The following CMIP variants were observed in gnomAD, a reference collection of about 807,000 sequenced individuals.
CMIP encodes C-Maf-inducing protein.
In CMIP, 13 loss-of-function variants were observed where a neutral mutation model predicts 97.3. That is an observed-to-expected ratio of 0.13 (90% CI 0.09 to 0.21). The LOEUF (loss-of-function observed/expected upper bound fraction) is 0.21, where lower values mean the gene tolerates loss of function less well. Among genes scored for constraint, CMIP ranks in the 10% least tolerant of loss-of-function variants. The pLI is 1.00. For missense variants in CMIP, 847 were observed against 1,024.9 expected (o/e 0.83, Z 2.37); for synonymous variants, 538 against 436.3 (o/e 1.23, Z -2.91).
chr16:81,504,782 C>A (rs567858287), intron 1 of CMIP, among the ~76,000 whole-genome samples: 1 of 152,188 alleles, frequency 6.6e-6, no homozygotes, highest in South Asian at 2.1e-4. Flanking sequence ...GAGCTTGTTA[C>A]CAGCCTCTAG....
rs1176385047 is a variant in CMIP at position 81,445,130 on chromosome 16, C to G, written c.-112C>G. 5 of 511,232 alleles carry G rather than the reference C, an allele frequency of 9.8e-6. No homozygotes were observed. In the South Asian group the frequency reaches 1.3e-4, roughly 13 times the overall value. 31.7% of individuals were successfully genotyped at this position (511,232 alleles called of 1,614,324 possible). On this transcript the variant is annotated 5_prime_UTR_variant, in exon 1 of 21. Transcript: ENST00000537098. ...GGGCGCCCCCAGCCCCACACCCCCCCACCTTCCCGGGGGGTGGGGGGGTGC... is the reference window on the plus strand; with the variant it reads ...GGGCGCCCCCAGCCCCACACCCCCCGACCTTCCCGGGGGGTGGGGGGGTGC...
In CMIP at chr16:81,549,711, C is replaced by T. The variant is rs181297720; in HGVS notation, c.301-57856C>T. The stretch of plus-strand genomic sequence containing the variant: ...CAGCAAGGACTGGCCTTTGCTAGAC[C>T]TGGTAAGCTGGGCAGACCGAGCCCA... On this transcript the variant is annotated intron_variant, in intron 1 of 20. Coordinates refer to ENST00000537098, the MANE Select transcript of CMIP (RefSeq NM_198390.3). Among the ~76,000 whole-genome samples, 45 of 152,350 alleles carry T rather than the reference C, an allele frequency of 3.0e-4. 1 individual carries two copies. Among genetic ancestry groups the T allele is most frequent in the African/African-American group, 1.1e-3 (44 of 41,584 alleles).
intron 1 of CMIP, among the ~76,000 whole-genome samples, chr16:81,572,935 CCAGTTT>C (rs2091120773): frequency 6.6e-6 from 1 of 152,180 alleles, no homozygotes; most frequent in African/African-American, 2.4e-5. Context: ...GCCTCACATC[CCAGTTT>C]CTTCAAATAT....
intron 20 of CMIP, among the ~76,000 whole-genome samples, chr16:81,708,191 A>C (rs568427595): frequency 6.6e-6 from 1 of 152,358 alleles, no homozygotes; most frequent in African/African-American, 2.4e-5. Flanking sequence ...AGCGAGGTCC[A>C]AGAGAGGACG....
intron 1 of CMIP, among the ~76,000 whole-genome samples, chr16:81,522,229 G>T (rs572548844): frequency 6.6e-6 from 1 of 152,182 alleles, no homozygotes; most frequent in South Asian, 2.1e-4. Context: ...GATGTCACTG[G>T]GTTTCCTGGA....
intron 1 of CMIP, among the ~76,000 whole-genome samples, chr16:81,531,442 G>C (rs556565549): frequency 1.3e-5 from 2 of 152,240 alleles, no homozygotes; most frequent in African/African-American, 4.8e-5. Context: ...TTTATGGTCT[G>C]TTGTTCAGGA....
chr16:81,514,221 G>T (rs2089867218), intron 1 of CMIP, among the ~76,000 whole-genome samples: 2 of 152,178 alleles, frequency 1.3e-5, no homozygotes, highest in African/African-American at 4.8e-5. Context: ...GAAGAGGGTA[G>T]GTGTCCCAGC....
chr16:81,685,219 C>T (rs1905257075), intron 10 of CMIP, among the ~76,000 whole-genome samples: 1 of 152,210 alleles, frequency 6.6e-6, no homozygotes, highest in Non-Finnish European at 1.5e-5. Context: ...CCCTCCTTCC[C>T]ATGCACCCCT....
At chr16:81,543,631 G>T (rs900970005) in intron 1 of CMIP, among the ~76,000 whole-genome samples, 5 of 152,160 alleles carry the variant, frequency 3.3e-5, no homozygotes, top group Non-Finnish European at 7.3e-5. Context: ...ACTTCCCCCC[G>T]TTCCTCAGTT....
At position 81,614,570 on chromosome 16, in the gene CMIP, G is replaced by A. The variant is rs1242265057; in HGVS notation, c.427-6306G>A. The stretch of plus-strand genomic sequence containing the variant: ...GTGGAAATGTGGCAGTGGAGGAAAG[G>A]TTGGGTTAGACCTGGGTCCTTAAGC... On this transcript the variant is annotated intron_variant, in intron 2 of 20. Transcript: ENST00000537098. This position sits in a 1 kb window ranked among gnomAD's most constrained non-coding sequence, Gnocchi z 5.3. Among the ~76,000 whole-genome samples, 2 of 152,180 alleles carry A rather than the reference G, an allele frequency of 1.3e-5. No homozygotes were observed. The highest frequency in any genetic ancestry group is 2.9e-5 in the Non-Finnish European group (2 of 68,030).
chr16:81,526,511 C>G (rs868431455), intron 1 of CMIP, among the ~76,000 whole-genome samples: 2 of 152,290 alleles, frequency 1.3e-5, no homozygotes, highest in Middle Eastern at 3.4e-3. Flanking sequence ...AGGCCCACAG[C>G]TAGGTCTTGT....
Position 81,565,480 on chromosome 16 carries a change from A to T in CMIP, c.301-42087A>T, listed in dbSNP as rs1013942399. Among the ~76,000 whole-genome samples the T allele has an allele frequency of 4.6e-5, 7 of 152,208 alleles. No homozygotes were observed. The East Asian group carries it at 1.3e-3, about 29-fold the overall frequency. ...CAGGGCCGCCAGCTTCCCCTGGTGC[A>T]GACTGCAGCTCAGCATTGCCAGGGA... On this transcript the variant is annotated intron_variant, in intron 1 of 20. Coordinates refer to ENST00000537098, the MANE Select transcript of CMIP (RefSeq NM_198390.3).
intron 1 of CMIP, among the ~76,000 whole-genome samples, chr16:81,600,011 T>G (rs1175785957): frequency 2.0e-5 from 3 of 151,892 alleles, no homozygotes; most frequent in African/African-American, 7.3e-5. Context: ...GCAGCAGTGG[T>G]GGCTCACGCC....
At chr16:81,564,064 A>T (rs1043982934) in intron 1 of CMIP, among the ~76,000 whole-genome samples, 3 of 152,220 alleles carry the variant, frequency 2.0e-5, no homozygotes, top group African/African-American at 7.2e-5. Flanking sequence ...CAGTTTTAGG[A>T]CAGATTGATA....
At chr16:81,461,379 C>G (rs771735754) in intron 1 of CMIP, among the ~76,000 whole-genome samples, 1 of 152,182 alleles carries the variant, frequency 6.6e-6, no homozygotes, top group Non-Finnish European at 1.5e-5. Context: ...TGAAGTTCAT[C>G]TAGTTCTGGG....
chr16:81,679,006 G>A (rs942180299), intron 10 of CMIP, among the ~76,000 whole-genome samples: 2 of 152,166 alleles, frequency 1.3e-5, no homozygotes, highest in Admixed American at 1.3e-4. Context: ...ACATGAGTTT[G>A]TGTGTGTGTG....
chr16:81,462,151 C>A (rs1476691169), intron 1 of CMIP, among the ~76,000 whole-genome samples: 1 of 152,166 alleles, frequency 6.6e-6, no homozygotes, highest in Admixed American at 6.5e-5. Context: ...GGTCTCATTT[C>A]CATTCTTGTG....
At chr16:81,686,168 G>A (rs757349977) in intron 10 of CMIP, among the ~76,000 whole-genome samples, 62 of 152,346 alleles carry the variant, frequency 4.1e-4, no homozygotes, top group Non-Finnish European at 7.6e-4. Context: ...CGCTGCAGAC[G>A]AGGTTTGCTG....
At chr16:81,653,942 C>T (rs2092456040) in intron 4 of CMIP, among the ~76,000 whole-genome samples, 1 of 152,170 alleles carries the variant, frequency 6.6e-6, no homozygotes, top group Non-Finnish European at 1.5e-5. Context: ...CTTCACTTCA[C>T]AGATGAGGAA....
Sources: allele counts gnomAD v4.1 joint callset (sites outside exome capture counted in the v4.1 genomes callset), GRCh38; gene constraint gnomAD v4.1.1; non-coding constraint Gnocchi (gnomAD v3.1); transcripts MANE v1.5; gene names NCBI Gene and HGNC (gene_info 2026-07-23, HGNC 2026-07-21).